The following VPS13B variants were observed in gnomAD, a reference collection of about 807,000 sequenced individuals.
VPS13B encodes vacuolar protein sorting 13 homolog B.
A neutral mutation model predicts 426.4 loss-of-function variants in VPS13B; 285 were observed. That is an observed-to-expected ratio of 0.67 (90% CI 0.61 to 0.74). The LOEUF is 0.74. Among genes scored for constraint, VPS13B ranks in the 30% least tolerant of loss-of-function variants. The pLI is 0.00. For missense variants in VPS13B, 4,537 were observed against 4,782.6 expected, an observed-to-expected ratio of 0.95 and a Z score of 1.51; for synonymous variants, 1,676 against 1,676.4, an observed-to-expected ratio of 1.00 and a Z score of 0.01.
chr8:99,607,892 A>G (rs1337456128), intron 33 of VPS13B, among the ~76,000 whole-genome samples: 1 of 152,150 alleles, frequency 6.6e-6, no homozygotes, highest in Non-Finnish European at 1.5e-5. Context: ...TATTTTTCAA[A>G]ACAAAAACAA....
At chr8:99,717,079 G>T in intron 36 of VPS13B, 92 bp from the exon 37 acceptor site, 8 of 1,260,848 alleles carry the variant, frequency 6.3e-6, no homozygotes, top group Non-Finnish European at 9.0e-6. Flanking sequence ...GACAAAGGAT[G>T]AATTAATACT....
At chr8:99,610,828 A>G (rs768636442) in intron 33 of VPS13B, among the ~76,000 whole-genome samples, 3 of 152,208 alleles carry the variant, frequency 2.0e-5, no homozygotes, top group Non-Finnish European at 4.4e-5. Flanking sequence ...TATTTGCCTA[A>G]TATTGAGTAG....
chr8:99,818,662 A>AT, intron 46 of VPS13B, 51 bp from the exon 47 acceptor site: 5 of 1,610,494 alleles, frequency 3.1e-6, no homozygotes, highest in Non-Finnish European at 4.2e-6. Flanking sequence ...AACAGCTGGA[A>AT]TACTGCAACA....
At chr8:99,569,594 A>G (rs1020687713) in intron 31 of VPS13B, among the ~76,000 whole-genome samples, 8 of 152,142 alleles carry the variant, frequency 5.3e-5, no homozygotes, top group African/African-American at 1.9e-4. Context: ...TTGAAGTGTG[A>G]TTCTTAAACT....
Position 99,877,445 on chromosome 8 carries a change from TCTA to T in VPS13B, c.*1782_*1784del, listed in dbSNP as rs1242488028. On this transcript the variant is annotated 3_prime_UTR_variant, in exon 62 of 62. Transcript: ENST00000357162. ...TTGAATTACTGACCACCCATAGATG[TCTA>T]CTGTTACCAGGTTTTACAATGCAAA... 6.6e-6 allele frequency: 1 copy of T among 152,654 alleles called. No homozygotes were observed. The highest frequency in any genetic ancestry group is 1.5e-5 in the Non-Finnish European group (1 of 68,050). 9.5% of individuals were successfully genotyped at this position (152,654 alleles called of 1,614,324 possible).
At chr8:99,158,614 T>C (rs1056626848) in intron 15 of VPS13B, among the ~76,000 whole-genome samples, 1 of 152,236 alleles carries the variant, frequency 6.6e-6, no homozygotes, top group African/African-American at 2.4e-5. Flanking sequence ...CAAAGTGCTT[T>C]AAGAATTAGG....
chr8:99,428,150 A>G (rs772205212), intron 21 of VPS13B, among the ~76,000 whole-genome samples: 1 of 152,200 alleles, frequency 6.6e-6, no homozygotes, highest in Non-Finnish European at 1.5e-5. Flanking sequence ...GATGGATTAA[A>G]GACTTACATG....
chr8:99,636,570 G>A (rs966439032), intron 33 of VPS13B, among the ~76,000 whole-genome samples: 27 of 152,010 alleles, frequency 1.8e-4, no homozygotes, highest in Admixed American at 1.4e-3. Context: ...TATGTTAAGA[G>A]TACACATCCT....
chr8:99,218,579 A>C (rs991559231), intron 17 of VPS13B, among the ~76,000 whole-genome samples: 4 of 152,166 alleles, frequency 2.6e-5, no homozygotes, highest in Non-Finnish European at 5.9e-5. Context: ...AATATTGTTG[A>C]TTGTTTAGCT....
chr8:99,499,672 T>A (rs745426547), intron 25 of VPS13B, among the ~76,000 whole-genome samples: 3 of 152,188 alleles, frequency 2.0e-5, no homozygotes, highest in Non-Finnish European at 4.4e-5. Context: ...GAATTTCTAT[T>A]GTAGCAGATT....
intron 19 of VPS13B, among the ~76,000 whole-genome samples, chr8:99,381,666 GT>G (rs962786351): frequency 4.0e-5 from 6 of 151,494 alleles, no homozygotes; most frequent in African/African-American, 2.4e-5. Context: ...ATGATGTTGA[GT>G]TTTTTTTCAT....
At chr8:99,184,294 A>G (rs1379280075) in intron 16 of VPS13B, among the ~76,000 whole-genome samples, 1 of 152,198 alleles carries the variant, frequency 6.6e-6, no homozygotes, top group Admixed American at 6.5e-5. Context: ...AAGAAACTGC[A>G]ATCTGTTTTG....
intron 51 of VPS13B, among the ~76,000 whole-genome samples, chr8:99,828,394 G>GTTTTTTTTTT (rs555108452): frequency 0.019 from 328 of 17,432 alleles, 89 homozygotes; most frequent in Middle Eastern, 0.028. Flanking sequence ...TACAACCACC[G>GTTTTTTTTTT]TTTTTTTTTT....
At chr8:99,574,252 A>T (rs1461250515) in intron 31 of VPS13B, among the ~76,000 whole-genome samples, 1 of 152,128 alleles carries the variant, frequency 6.6e-6, no homozygotes, top group Non-Finnish European at 1.5e-5. Context: ...GCAAACGGGG[A>T]CAATATGACT....
At chr8:99,081,062 A>G (rs1038945370) in intron 3 of VPS13B, among the ~76,000 whole-genome samples, 1 of 152,158 alleles carries the variant, frequency 6.6e-6, no homozygotes, top group Non-Finnish European at 1.5e-5. Flanking sequence ...CACCCTTTAT[A>G]CATAACTTCA....
At chr8:99,149,582 T>G (rs1810943385) in intron 14 of VPS13B, among the ~76,000 whole-genome samples, 1 of 151,324 alleles carries the variant, frequency 6.6e-6, no homozygotes, top group African/African-American at 2.4e-5. Flanking sequence ...CCTTCCAAAG[T>G]GCTGGGATTA....
intron 17 of VPS13B, among the ~76,000 whole-genome samples, chr8:99,249,925 T>TG (rs958309990): frequency 2.0e-5 from 3 of 150,678 alleles, no homozygotes; most frequent in African/African-American, 7.3e-5. Flanking sequence ...TTGGGGGTGG[T>TG]GGGGGAGAAA....
chr8:99,055,190 C>T (rs914500924), intron 3 of VPS13B, among the ~76,000 whole-genome samples: 4 of 151,896 alleles, frequency 2.6e-5, no homozygotes, highest in Non-Finnish European at 5.9e-5. Flanking sequence ...AAACATGAGC[C>T]AGCATGTTTG....
chr8:99,332,454 CAA>C (rs908859879), intron 19 of VPS13B, among the ~76,000 whole-genome samples: 2 of 151,362 alleles, frequency 1.3e-5, no homozygotes, highest in Non-Finnish European at 3.0e-5. Context: ...TCAATCAGTT[CAA>C]GTGTTTTAGA....
Sources: allele counts gnomAD v4.1 joint callset (sites outside exome capture counted in the v4.1 genomes callset), GRCh38; gene constraint gnomAD v4.1.1; transcripts MANE v1.5; gene names NCBI Gene and HGNC (gene_info 2026-07-23, HGNC 2026-07-21).